GAS7: variants seen among roughly 807,000 people sequenced by gnomAD.
GAS7 encodes growth arrest-specific protein 7.
Under a neutral mutation model 71.1 loss-of-function variants are expected in GAS7, and 28 were observed. The ratio of observed to expected loss-of-function variants is 0.39; its 90% CI spans 0.29 to 0.54. The LOEUF is 0.54. Among genes scored for constraint, GAS7 ranks in the 20% least tolerant of loss-of-function variants. The pLI is 0.62. For missense variants in GAS7, 436 were observed against 627.8 expected (o/e 0.69, Z 3.27); for synonymous variants, 258 against 245.8 (o/e 1.05, Z -0.46).
chr17:9,921,024 G>A (rs1286393374), intron 11 of GAS7, among the ~76,000 whole-genome samples: 4 of 152,086 alleles, frequency 2.6e-5, no homozygotes, highest in Admixed American at 2.6e-4. Context: ...AGTGTGCCTT[G>A]AATAACAGAG....
At chr17:10,033,808 G>C (rs1336914289) in intron 1 of GAS7, among the ~76,000 whole-genome samples, 2 of 152,244 alleles carry the variant, frequency 1.3e-5, no homozygotes, top group East Asian at 3.9e-4. Flanking sequence ...AAGGAAAATG[G>C]AAGCAGCTCA....
intron 1 of GAS7, among the ~76,000 whole-genome samples, chr17:10,115,023 C>G (rs1022488237): frequency 9.2e-5 from 14 of 152,200 alleles, no homozygotes; most frequent in Non-Finnish European, 1.9e-4. Flanking sequence ...TGTCCTCTGT[C>G]TGTCTGTCTG....
At chr17:9,970,271 T>C (rs2069905787) in intron 3 of GAS7, among the ~76,000 whole-genome samples, 1 of 152,208 alleles carries the variant, frequency 6.6e-6, no homozygotes, top group African/African-American at 2.4e-5. Context: ...AATTAGGCTC[T>C]GTCAATTAAT....
chr17:9,925,129 CA>C (rs1255425035), intron 11 of GAS7, among the ~76,000 whole-genome samples: 1 of 152,084 alleles, frequency 6.6e-6, no homozygotes, highest in Non-Finnish European at 1.5e-5. Context: ...CCTGAGCTCT[CA>C]GTGCATGAAG....
intron 1 of GAS7, among the ~76,000 whole-genome samples, chr17:10,180,607 T>A (rs1215788503): frequency 6.6e-6 from 1 of 152,122 alleles, no homozygotes; most frequent in African/African-American, 2.4e-5. Flanking sequence ...CTGCCCTATA[T>A]ATACAATGAC....
chr17:10,062,154 A>G (rs2073226958), intron 1 of GAS7, among the ~76,000 whole-genome samples: 3 of 152,326 alleles, frequency 2.0e-5, no homozygotes, highest in South Asian at 4.1e-4. Flanking sequence ...TCTGACCTAC[A>G]TGAAGGAGGA....
chr17:10,100,838 T>C (rs908589289), intron 1 of GAS7, among the ~76,000 whole-genome samples: 6 of 152,218 alleles, frequency 3.9e-5, no homozygotes, highest in Admixed American at 6.5e-5. Context: ...TCTGAGAAGA[T>C]TGCTAAGCTA....
chr17:10,122,088 T>C (rs3764428), intron 1 of GAS7, among the ~76,000 whole-genome samples: 95,520 of 151,944 alleles, frequency 0.63, 30,291 homozygotes, highest in East Asian at 0.84. Context: ...AGCACCATCA[T>C]CAACGAGATG....
Position 9,934,498 on chromosome 17 carries a change from TG to T in GAS7, c.807-255del, listed in dbSNP as rs59282400. 5.3e-4 allele frequency among the ~76,000 whole-genome samples: 79 copies of T among 147,902 alleles called. 1 individual carries two copies. The highest frequency in any genetic ancestry group is 1.4e-3 in the African/African-American group (56 of 40,070). ...CAGACTGTGGCGCACAGCCAAGAGG[TG>T]GGGGGGGTGGGGATTCCTAGAAATC... On this transcript the variant is annotated intron_variant, in intron 8 of 13. Coordinates refer to ENST00000432992, the MANE Select transcript of GAS7 (RefSeq NM_201433.2).
chr17:10,197,390 G>A (rs1371954478), intron 1 of GAS7, among the ~76,000 whole-genome samples: 1 of 129,278 alleles, frequency 7.7e-6, no homozygotes, highest in African/African-American at 2.5e-5. Flanking sequence ...TAAAGGGGAT[G>A]TCCTGGAAGG....
chr17:10,165,324 A>G (rs2074286300), intron 1 of GAS7, among the ~76,000 whole-genome samples: 1 of 151,762 alleles, frequency 6.6e-6, no homozygotes, highest in African/African-American at 2.4e-5. Flanking sequence ...AAACAAAAGA[A>G]AAGTTTAACT....
chr17:10,106,223 G>A lies in GAS7; in HGVS notation c.184-86326C>T, dbSNP rs191928683. On this transcript the variant is annotated intron_variant, in intron 1 of 13. Coordinates refer to ENST00000432992, the MANE Select transcript of GAS7 (RefSeq NM_201433.2). ...GCTGGTAAGGCCTCTCCCTCTGCTT[G>A]GAGCACCTGCCCTGCTTCTCAGGGA... Among the ~76,000 whole-genome samples the A allele has an allele frequency of 6.6e-3, 1,002 of 152,250 alleles. 6 individuals are homozygous for A. Among genetic ancestry groups the A allele is most frequent in the Non-Finnish European group, 0.01 (686 of 68,010 alleles).
At chr17:9,970,529 G>A (rs2069918852) in intron 3 of GAS7, among the ~76,000 whole-genome samples, 1 of 152,130 alleles carries the variant, frequency 6.6e-6, no homozygotes, top group African/African-American at 2.4e-5. Flanking sequence ...CTACTCGGGA[G>A]GCTGAGGCAG....
At chr17:10,036,583 G>T in intron 1 of GAS7, 1 of 1,512,280 alleles carries the variant, frequency 6.6e-7, no homozygotes. Flanking sequence ...CAAGTCGCTA[G>T]CCCAGGGCCA....
chr17:9,949,756 T>C (rs2068931298), intron 5 of GAS7, among the ~76,000 whole-genome samples: 2 of 139,502 alleles, frequency 1.4e-5, no homozygotes, highest in African/African-American at 6.0e-5. Flanking sequence ...TTCTTCTCTT[T>C]CTCCTTCCCT....
rs1007285533 is a variant in GAS7, at chr17:9,974,537, C to T, written c.386-4775G>A. ...AAGGAAAAAAAAAAAGCAAATGTCA[C>T]ACTCATCTGTTTTTAAGATTTTTAA... On this transcript the variant is annotated intron_variant, in intron 3 of 13. Transcript: ENST00000432992. This position sits in a 1 kb window ranked among gnomAD's most constrained non-coding sequence, Gnocchi z 4.0. 6.6e-6 allele frequency among the ~76,000 whole-genome samples: 1 copy of T among 151,970 alleles called. No homozygotes were observed. The highest frequency in any genetic ancestry group is 1.5e-5 in the Non-Finnish European group (1 of 67,998).
At chr17:9,976,308 T>C (rs1312731610) in intron 3 of GAS7, among the ~76,000 whole-genome samples, 1 of 152,180 alleles carries the variant, frequency 6.6e-6, no homozygotes, top group Non-Finnish European at 1.5e-5. Flanking sequence ...TAGGGGAACA[T>C]GCACTTCTTC....
intron 13 of GAS7, among the ~76,000 whole-genome samples, 157 bp from the exon 14 acceptor site, chr17:9,917,498 T>G (rs942103722): frequency 5.9e-5 from 9 of 152,126 alleles, no homozygotes; most frequent in Non-Finnish European, 1.2e-4. Context: ...GGACAGCACA[T>G]GAAGAGGGCT....
At chr17:10,064,080 G>A (rs887801139) in intron 1 of GAS7, among the ~76,000 whole-genome samples, 5 of 152,154 alleles carry the variant, frequency 3.3e-5, no homozygotes, top group Non-Finnish European at 4.4e-5. Context: ...AAGATGCTCC[G>A]ATAATGTGAT....
Sources: allele counts gnomAD v4.1 joint callset (sites outside exome capture counted in the v4.1 genomes callset), GRCh38; gene constraint gnomAD v4.1.1; non-coding constraint Gnocchi (gnomAD v3.1); transcripts MANE v1.5; gene names NCBI Gene and HGNC (gene_info 2026-07-23, HGNC 2026-07-21).